LTBP1: variants seen among roughly 807,000 people sequenced by gnomAD.
LTBP1 encodes latent-transforming growth factor beta-binding protein 1.
LTBP1 carries 129 observed loss-of-function variants against 207.6 expected under a neutral mutation model. The observed-to-expected ratio is 0.62, with a 90% CI of 0.54 to 0.72. The LOEUF is 0.72. LTBP1 is among the 30% of genes least tolerant of loss of function. The probability of loss-of-function intolerance (pLI) is 0.00; values close to 1 mark genes in which losing one functional copy is unlikely to be tolerated. For synonymous variants in LTBP1, 963 were observed against 833.7 expected, an observed-to-expected ratio of 1.16 and a Z score of -2.67; for missense variants, 2,281 against 2,217.2, an observed-to-expected ratio of 1.03 and a Z score of -0.58.
At chr2:33,380,463 G>A (rs1027952234) in intron 31 of LTBP1, among the ~76,000 whole-genome samples, 3 of 151,028 alleles carry the variant, frequency 2.0e-5, no homozygotes, top group Admixed American at 6.6e-5. Flanking sequence ...GATGGCACAC[G>A]CCTTCTGAGG....
At chr2:32,998,934 A>G (rs1685695522) in intron 2 of LTBP1, among the ~76,000 whole-genome samples, 1 of 152,114 alleles carries the variant, frequency 6.6e-6, no homozygotes, top group Non-Finnish European at 1.5e-5. Context: ...GCCTGGGCTA[A>G]GAACATGGTC....
chr2:32,984,637 C>A (rs902300691), intron 2 of LTBP1, among the ~76,000 whole-genome samples: 1 of 152,126 alleles, frequency 6.6e-6, no homozygotes, highest in African/African-American at 2.4e-5. Flanking sequence ...AAAAACAATT[C>A]TGGGCCAGGC....
At position 33,110,622 on chromosome 2, in the gene LTBP1, G is replaced by A. The variant is rs1282588906; in HGVS notation, c.904G>A (p.Gly302Ser). 5 of 1,613,962 alleles carry A rather than the reference G, an allele frequency of 3.1e-6. No individual in the cohort carries two copies. The East Asian group carries it at 8.9e-5, about 29-fold the overall frequency. The change falls in exon 4 of 34, where the codon GGC becomes AGC. Residue 302 changes from glycine (G) to serine (S), a missense_variant. Physicochemically the swap from Gly to Ser is moderately conservative, Grantham distance 56. Around this residue, in one of 3 missense-constraint regions of LTBP1, gnomAD observed 555 missense variants for 491.0 expected, o/e 1.13. Transcript: ENST00000404816. Reference sequence around the variant, plus strand: ...TTCCCAGAGTGTGGTGATTCACCATGGCCAGACCCAGGAATACGTGCTCAA... The same window carrying A: ...TTCCCAGAGTGTGGTGATTCACCATAGCCAGACCCAGGAATACGTGCTCAA... Reference protein sequence around the residue: ...LSSQSVVIHHGQTQEYVLKPK... With the variant: ...LSSQSVVIHHSQTQEYVLKPK...
chr2:33,012,074 G>A (rs992644190), intron 2 of LTBP1, among the ~76,000 whole-genome samples: 1 of 152,136 alleles, frequency 6.6e-6, no homozygotes, highest in Non-Finnish European at 1.5e-5. Flanking sequence ...TACTTTCCCT[G>A]TGGGGTCTCC....
chr2:33,063,373 G>A (rs919529602), intron 3 of LTBP1, among the ~76,000 whole-genome samples: 4 of 152,136 alleles, frequency 2.6e-5, no homozygotes, highest in Admixed American at 6.5e-5. Flanking sequence ...AATACATAAT[G>A]TGTGATCTTG....
intron 7 of LTBP1, among the ~76,000 whole-genome samples, chr2:33,199,082 G>A (rs1430528741): frequency 1.3e-5 from 2 of 152,050 alleles, no homozygotes; most frequent in African/African-American, 4.8e-5. Context: ...GTGTCCCAGA[G>A]ATTCTGGTAT....
chr2:32,996,469 C>T (rs1685289455), intron 2 of LTBP1, among the ~76,000 whole-genome samples: 2 of 152,146 alleles, frequency 1.3e-5, no homozygotes, highest in African/African-American at 4.8e-5. Context: ...AAACATTCAG[C>T]CCATGACACT....
intron 31 of LTBP1, among the ~76,000 whole-genome samples, chr2:33,385,734 A>G (rs918187251): frequency 2.0e-5 from 3 of 152,204 alleles, no homozygotes; most frequent in African/African-American, 7.2e-5. Context: ...GATGTGCATG[A>G]TGGGAAGGGC....
chr2:33,040,197 G>C (rs1387613130), intron 3 of LTBP1, among the ~76,000 whole-genome samples: 1 of 152,152 alleles, frequency 6.6e-6, no homozygotes, highest in Non-Finnish European at 1.5e-5. Context: ...TAGTTAGTGA[G>C]ATCCTGAAAG....
chr2:33,149,945 C>T (rs1196603314), intron 5 of LTBP1, among the ~76,000 whole-genome samples: 1 of 152,068 alleles, frequency 6.6e-6, no homozygotes, highest in Non-Finnish European at 1.5e-5. Flanking sequence ...ATTTCTAACC[C>T]AAACATCTTT....
chr2:33,253,306 C>T (rs910327060), intron 11 of LTBP1, among the ~76,000 whole-genome samples: 4 of 152,208 alleles, frequency 2.6e-5, no homozygotes, highest in East Asian at 1.9e-4. Context: ...ATTGAATTTA[C>T]GCTATGAAGA....
At chr2:33,244,842 T>G (rs2092454396) in intron 10 of LTBP1, among the ~76,000 whole-genome samples, 1 of 149,842 alleles carries the variant, frequency 6.7e-6, no homozygotes, top group Non-Finnish European at 1.5e-5. Flanking sequence ...TTAGTTTCTT[T>G]CCTGCAAGTT....
chr2:33,339,668 G>A (rs557788801), intron 24 of LTBP1, among the ~76,000 whole-genome samples: 80 of 151,012 alleles, frequency 5.3e-4, no homozygotes, highest in Admixed American at 9.9e-4. Flanking sequence ...TTTTTGAGAC[G>A]GAGTTTCGCT....
At chr2:33,180,454 G>GTT (rs5830252) in intron 5 of LTBP1, among the ~76,000 whole-genome samples, 12 of 131,982 alleles carry the variant, frequency 9.1e-5, no homozygotes, top group South Asian at 2.4e-4. Flanking sequence ...GCGTGGCATA[G>GTT]TTTTTTTTTT....
intron 2 of LTBP1, among the ~76,000 whole-genome samples, chr2:32,962,770 G>C (rs953792764): frequency 7.9e-5 from 12 of 152,286 alleles, no homozygotes; most frequent in East Asian, 5.8e-4. Flanking sequence ...ACTTAGCCTC[G>C]TGGCTCTCAA....
intron 5 of LTBP1, among the ~76,000 whole-genome samples, chr2:33,182,922 A>C (rs1429285632): frequency 6.7e-6 from 1 of 149,376 alleles, no homozygotes; most frequent in Non-Finnish European, 1.5e-5. Flanking sequence ...AGGGAAATGA[A>C]AAAAATAGTA....
intron 3 of LTBP1, among the ~76,000 whole-genome samples, chr2:33,040,553 C>A (rs2076133625): frequency 6.6e-6 from 1 of 152,254 alleles, no homozygotes; most frequent in Non-Finnish European, 1.5e-5. Context: ...ACACGTTCAT[C>A]TACTGCCTCC....
intron 20 of LTBP1, among the ~76,000 whole-genome samples, chr2:33,299,876 AT>A (rs1485761499): frequency 6.6e-6 from 1 of 152,186 alleles, no homozygotes; most frequent in Non-Finnish European, 1.5e-5. Context: ...ATCCTCACTT[AT>A]CACTTTCTCC....
intron 2 of LTBP1, among the ~76,000 whole-genome samples, chr2:32,994,132 A>C (rs1255159131): frequency 6.6e-6 from 1 of 151,218 alleles, no homozygotes; most frequent in Non-Finnish European, 1.5e-5. Flanking sequence ...TGTCCTACAG[A>C]GGAGAGTGCT....
Sources: gnomAD v4.1 joint callset for allele counts (sites outside exome capture counted in the v4.1 genomes callset) on GRCh38, gnomAD v4.1.1 for gene constraint, gnomAD v4.1.1 regional missense constraint, MANE v1.5 for transcripts, NCBI Gene and HGNC (gene_info 2026-07-23, HGNC 2026-07-21) for gene names.